Variants in MAGI3 observed in about 807,000 individuals in gnomAD.
MAGI3 encodes the protein membrane associated guanylate kinase, WW and PDZ domain containing 3.
Under a neutral mutation model 121.8 loss-of-function variants are expected in MAGI3, and 43 were observed. The observed-to-expected ratio is 0.35, with a 90% CI of 0.28 to 0.46. The LOEUF is 0.46. Among genes scored for constraint, MAGI3 ranks in the 20% least tolerant of loss-of-function variants. The pLI, the probability that MAGI3 is intolerant of heterozygous loss-of-function variation, is 1.00. For synonymous variants in MAGI3, 553 were observed against 639.3 expected (o/e 0.86, Z 2.04); for missense variants, 1,547 against 1,797.3 (o/e 0.86, Z 2.52).
intron 9 of MAGI3, among the ~76,000 whole-genome samples, chr1:113,628,541 C>T (rs1347562607): frequency 1.3e-5 from 2 of 152,108 alleles, no homozygotes; most frequent in African/African-American, 2.4e-5. Context: ...TCTTATTGCT[C>T]GTTAATGTCC....
chr1:113,667,797 C>T (rs1647258347), intron 16 of MAGI3, among the ~76,000 whole-genome samples: 2 of 152,120 alleles, frequency 1.3e-5, no homozygotes, highest in African/African-American at 4.8e-5. Flanking sequence ...CACTTGAATA[C>T]ATAGAGGTCA....
intron 2 of MAGI3, among the ~76,000 whole-genome samples, chr1:113,572,522 C>T (rs1411467240): frequency 6.6e-6 from 1 of 152,088 alleles, no homozygotes; most frequent in Non-Finnish European, 1.5e-5. Context: ...CCCTCTGATC[C>T]TGTGCTTTTT....
At chr1:113,397,495 C>A (rs1651178876) in intron 1 of MAGI3, among the ~76,000 whole-genome samples, 1 of 152,016 alleles carries the variant, frequency 6.6e-6, no homozygotes, top group African/African-American at 2.4e-5. Flanking sequence ...CAAAAACGTT[C>A]CATACAGAAA....
intron 14 of MAGI3, among the ~76,000 whole-genome samples, chr1:113,653,316 T>C (rs1653278113): frequency 6.6e-6 from 1 of 152,140 alleles, no homozygotes; most frequent in South Asian, 2.1e-4. Flanking sequence ...CTATCAAATC[T>C]CACAGAAACT....
intron 2 of MAGI3, among the ~76,000 whole-genome samples, chr1:113,567,004 G>GT (rs777708420): frequency 3.6e-4 from 54 of 148,890 alleles, no homozygotes; most frequent in African/African-American, 8.1e-4. Flanking sequence ...ACCAGGAGTT[G>GT]TTTTTTTTTA....
chr1:113,664,215 A>G (rs111893369), intron 16 of MAGI3, among the ~76,000 whole-genome samples: 384 of 152,292 alleles, frequency 2.5e-3, no homozygotes, highest in African/African-American at 8.6e-3. Context: ...TCCTCTATTT[A>G]CAGGGGCGGT....
intron 1 of MAGI3, among the ~76,000 whole-genome samples, chr1:113,523,931 C>T (rs1261206967): frequency 6.6e-6 from 1 of 152,078 alleles, no homozygotes; most frequent in Admixed American, 6.6e-5. Context: ...AAAAATTGTT[C>T]AGTGGGCTGG....
chr1:113,640,376 C>G (rs139103057), intron 9 of MAGI3, among the ~76,000 whole-genome samples: 3,547 of 152,238 alleles, frequency 0.023, 146 homozygotes, highest in African/African-American at 0.08. Context: ...AATCCCATTA[C>G]TGGATATATA....
At position 113,516,124 on chromosome 1, in the gene MAGI3, G is replaced by A. The variant is rs141799806; in HGVS notation, c.317-33391G>A. On this transcript the variant is annotated intron_variant, in intron 1 of 20. Transcript: ENST00000307546. ...TGAACTCATGTTTAACTTCATGTAG[G>A]TACAGATGGGATATTTATCAATATG... 8.2e-3 allele frequency among the ~76,000 whole-genome samples: 1,248 copies of A among 151,932 alleles called. 2 individuals are homozygous for A. Among genetic ancestry groups the A allele is most frequent in the Non-Finnish European group, 0.013 (894 of 67,872 alleles).
intron 1 of MAGI3, among the ~76,000 whole-genome samples, chr1:113,533,779 C>CTTTTTTTTT (rs1369851533): frequency 7.1e-6 from 1 of 140,142 alleles, no homozygotes; most frequent in African/African-American, 2.6e-5. Flanking sequence ...AATATCTTTT[C>CTTTTTTTTT]TTTTTCTTTT....
chr1:113,477,876 G>C (rs1402605609), intron 1 of MAGI3, among the ~76,000 whole-genome samples: 1 of 152,182 alleles, frequency 6.6e-6, no homozygotes, highest in Non-Finnish European at 1.5e-5. Flanking sequence ...ATCAAATGTA[G>C]ATTTGGTCTT....
chr1:113,643,284 GA>G (rs1291569057), intron 10 of MAGI3, among the ~76,000 whole-genome samples: 1 of 152,124 alleles, frequency 6.6e-6, no homozygotes, highest in African/African-American at 2.4e-5. Flanking sequence ...TGAGGCAAAC[GA>G]GCACTTCAGC....
At chr1:113,434,211 C>A (rs1653444798) in intron 1 of MAGI3, among the ~76,000 whole-genome samples, 1 of 152,126 alleles carries the variant, frequency 6.6e-6, no homozygotes, top group Non-Finnish European at 1.5e-5. Flanking sequence ...TACAAATTGT[C>A]AACATGAGCT....
intron 1 of MAGI3, among the ~76,000 whole-genome samples, chr1:113,427,126 G>T (rs1192982792): frequency 6.6e-6 from 1 of 152,146 alleles, no homozygotes; most frequent in African/African-American, 2.4e-5. Context: ...CAGAGTCTTT[G>T]TGATGTTATT....
intron 8 of MAGI3, among the ~76,000 whole-genome samples, chr1:113,620,229 A>T (rs867907300): frequency 1.1e-4 from 17 of 152,328 alleles, no homozygotes; most frequent in Middle Eastern, 3.4e-3. Context: ...AATATTAATA[A>T]ATACTAAATA....
chr1:113,410,355 A>G (rs1651909469), intron 1 of MAGI3, among the ~76,000 whole-genome samples: 1 of 152,114 alleles, frequency 6.6e-6, no homozygotes, highest in African/African-American at 2.4e-5. Context: ...CAAAAGTTCC[A>G]TAAAGAATCA....
At chr1:113,639,240 C>G (rs1652280220) in intron 9 of MAGI3, among the ~76,000 whole-genome samples, 1 of 152,260 alleles carries the variant, frequency 6.6e-6, no homozygotes, top group Non-Finnish European at 1.5e-5. Flanking sequence ...GCTGCACCCA[C>G]TATCCTGCAC....
intron 19 of MAGI3, among the ~76,000 whole-genome samples, chr1:113,679,894 C>A (rs1230656): frequency 0.81 from 122,321 of 151,732 alleles, 50,383 homozygotes; most frequent in African/African-American, 0.96. Flanking sequence ...TAGTAGAGAC[C>A]GGGTTTCTCC....
chr1:113,530,866 T>C (rs1570808164), intron 1 of MAGI3, among the ~76,000 whole-genome samples: 1 of 151,988 alleles, frequency 6.6e-6, no homozygotes, highest in South Asian at 2.1e-4. Context: ...CCGTAAGCTG[T>C]GATTGTACTA....
Sources: allele counts gnomAD v4.1 joint callset (sites outside exome capture counted in the v4.1 genomes callset), GRCh38; gene constraint gnomAD v4.1.1; transcripts MANE v1.5; gene names NCBI Gene and HGNC (gene_info 2026-07-23, HGNC 2026-07-21).